EMSY: variants seen among roughly 807,000 people sequenced by gnomAD.
The protein encoded by EMSY is EMSY transcriptional repressor, BRCA2 interacting.
Under a neutral mutation model 134.6 loss-of-function variants are expected in EMSY, and 26 were observed. That is an observed-to-expected ratio of 0.19 (90% CI 0.14 to 0.27). EMSY has a LOEUF of 0.27. EMSY is among the 10% of genes least tolerant of loss of function. The pLI, the probability that EMSY is intolerant of heterozygous loss-of-function variation, is 1.00. For synonymous variants in EMSY, 579 were observed against 577.8 expected, an observed-to-expected ratio of 1.00 and a Z score of -0.03; for missense variants, 1,305 against 1,611.4, an observed-to-expected ratio of 0.81 and a Z score of 3.26.
chr11:76,487,048 C>A (rs553541772), intron 8 of EMSY, among the ~76,000 whole-genome samples: 5 of 152,310 alleles, frequency 3.3e-5, no homozygotes, highest in African/African-American at 1.2e-4. Flanking sequence ...GAGGCTGAGG[C>A]AGGCGGATCA....
At chr11:76,526,507 A>C in exon 13 of EMSY, 5 of 1,613,746 alleles carry the variant, frequency 3.1e-6, no homozygotes, top group Non-Finnish European at 4.2e-6. Flanking sequence ...AAAGCCAGCT[A>C]TCCTTACTGC....
At chr11:76,509,231 C>G (rs1950186501) in intron 9 of EMSY, among the ~76,000 whole-genome samples, 1 of 152,050 alleles carries the variant, frequency 6.6e-6, no homozygotes, top group African/African-American at 2.4e-5. Flanking sequence ...CCAGAACCTT[C>G]AATTTGTAAA....
intron 15 of EMSY, among the ~76,000 whole-genome samples, chr11:76,536,955 C>T (rs1951245556): frequency 6.6e-6 from 1 of 152,184 alleles, no homozygotes; most frequent in Admixed American, 6.6e-5. Flanking sequence ...TGGGTATGAA[C>T]ATTCAGTGGA....
chr11:76,523,004 A>G lies in EMSY; in HGVS notation c.1685-151A>G, dbSNP rs528013451. 430 of 697,628 alleles carry G rather than the reference A, an allele frequency of 6.2e-4. 1 individual carries two copies. In the African/African-American group the frequency reaches 7.3e-3, roughly 12 times the overall value. 43.2% of individuals were successfully genotyped at this position (697,628 alleles called of 1,614,324 possible). A position where few individuals can be genotyped will look rare whatever the true frequency, so the allele number is the denominator to read the frequency against. On this transcript the variant is annotated intron_variant, in intron 11 of 20. Coordinates refer to ENST00000334736, the Ensembl canonical transcript of EMSY. The stretch of plus-strand genomic sequence containing the variant: ...ATTCTGGTATGACTTATAACTTACT[A>G]TTCCAAGCCTTCATTTTCATCATCT...
chr11:76,483,536 C>G (rs1949063728), intron 8 of EMSY, among the ~76,000 whole-genome samples: 1 of 151,686 alleles, frequency 6.6e-6, no homozygotes, highest in South Asian at 2.1e-4. Context: ...CACATAGGCT[C>G]AAAATAAAGG....
chr11:76,461,561 A>G (rs1222307508), intron 6 of EMSY, among the ~76,000 whole-genome samples: 1 of 152,260 alleles, frequency 6.6e-6, no homozygotes, highest in African/African-American at 2.4e-5. Flanking sequence ...AATTAAATTT[A>G]TATCTGATTT....
intron 17 of EMSY, among the ~76,000 whole-genome samples, chr11:76,540,355 C>T (rs1210152733): frequency 6.6e-6 from 1 of 151,982 alleles, no homozygotes; most frequent in East Asian, 1.9e-4. Context: ...TTGTAAATTA[C>T]TTCAGTCATT....
intron 4 of EMSY, chr11:76,454,770 G>T: frequency 6.8e-7 from 1 of 1,465,302 alleles, no homozygotes. Context: ...CCTTATATTT[G>T]GGTGAAAGAC....
At position 76,446,323 on chromosome 11, in the gene EMSY, G is replaced by GTATATATATATGTGTATA. The variant is rs1555036459; in HGVS notation, c.-39-564_-39-563insGTATATATATATATATGT. Among the ~76,000 whole-genome samples, 177 of 57,996 alleles carry GTATATATATATGTGTATA rather than the reference G, an allele frequency of 3.1e-3. 2 individuals carry two copies. The highest frequency in any genetic ancestry group is 0.011 in the African/African-American group (164 of 14,446). The allele number at this position is 57,996 out of a possible 152,430, so 38.0% of individuals were successfully genotyped here. On this transcript the variant is annotated intron_variant, in intron 1 of 20. Transcript: ENST00000334736. The stretch of plus-strand genomic sequence containing the variant: ...AGAGTATATATATATGTGTGTGTGT[G>GTATATATATATGTGTATA]TATATATATATGTATATATATATGT...
At chr11:76,470,435 A>G (rs1334296907) in intron 7 of EMSY, among the ~76,000 whole-genome samples, 2 of 152,216 alleles carry the variant, frequency 1.3e-5, no homozygotes, top group Non-Finnish European at 2.9e-5. Flanking sequence ...GGAGATTTAA[A>G]TAAGCCAATA....
intron 20 of EMSY, among the ~76,000 whole-genome samples, chr11:76,546,538 A>G (rs1166617898): frequency 6.6e-6 from 1 of 152,224 alleles, no homozygotes; most frequent in East Asian, 1.9e-4. Flanking sequence ...CTGTAAAGGC[A>G]ATAAAGAGCC....
At chr11:76,450,346 C>CT (rs2134775766) in intron 2 of EMSY, among the ~76,000 whole-genome samples, 1 of 141,650 alleles carries the variant, frequency 7.1e-6, no homozygotes, top group East Asian at 1.9e-4. Context: ...TTTCCTGAAA[C>CT]TAACTATTTC....
At chr11:76,474,115 C>CA (rs11407539) in intron 8 of EMSY, among the ~76,000 whole-genome samples, 88,605 of 128,506 alleles carry the variant, frequency 0.69, 29,012 homozygotes, top group East Asian at 0.77. Context: ...GACCCTGTCT[C>CA]AAAAAAAAAA....
intron 1 of EMSY, among the ~76,000 whole-genome samples, chr11:76,445,941 A>AG (rs1210683448): frequency 6.6e-6 from 1 of 151,854 alleles, no homozygotes; most frequent in Non-Finnish European, 1.5e-5. Context: ...AAGTAGGGGG[A>AG]GGGGGGCTCA....
At chr11:76,544,810 G>T (rs963102650) in exon 19 of EMSY, 11 of 1,613,892 alleles carry the variant, frequency 6.8e-6, no homozygotes, top group Non-Finnish European at 9.3e-6. Flanking sequence ...CAGAGAAACA[G>T]ACGGCAAGCC....
chr11:76,528,585 CTTT>C (rs1202039448), intron 14 of EMSY, 119 bp downstream of exon 15: 1,534 of 417,150 alleles, frequency 3.7e-3, no homozygotes, highest in South Asian at 5.1e-3. Flanking sequence ...AATTCTTTTC[CTTT>C]TTTTTTTTTT....
At chr11:76,465,737 T>G (rs1242966886) in intron 7 of EMSY, among the ~76,000 whole-genome samples, 1 of 152,204 alleles carries the variant, frequency 6.6e-6, no homozygotes, top group African/African-American at 2.4e-5. Flanking sequence ...TGTTTTGATC[T>G]CTTTTATTTA....
chr11:76,463,535 A>G (rs1448261144), intron 6 of EMSY, among the ~76,000 whole-genome samples: 2 of 151,128 alleles, frequency 1.3e-5, no homozygotes, highest in Admixed American at 6.6e-5. Flanking sequence ...AGGCAGGAGA[A>G]TGGCGTGAAC....
chr11:76,463,956 G>T, exon 7 of EMSY: 1 of 1,614,184 alleles, frequency 6.2e-7, no homozygotes, highest in Non-Finnish European at 8.5e-7. Context: ...GTGCCTGTGA[G>T]TGGTAGTCCC....
Sources: gnomAD v4.1 joint callset for allele counts (sites outside exome capture counted in the v4.1 genomes callset) on GRCh38, gnomAD v4.1.1 for gene constraint, MANE v1.5 for transcripts, NCBI Gene and HGNC (gene_info 2026-07-23, HGNC 2026-07-21) for gene names.